CDH13: variants seen among roughly 807,000 people sequenced by gnomAD.
The protein encoded by CDH13 is cadherin-13.
CDH13 carries 24 observed loss-of-function variants against 63.8 expected under a neutral mutation model. The observed-to-expected ratio is 0.38, with a 90% CI of 0.27 to 0.53. The LOEUF (loss-of-function observed/expected upper bound fraction) is 0.53. CDH13 is among the 20% of genes least tolerant of loss of function. The pLI is 0.85. For missense variants in CDH13, 1,049 were observed against 903.1 expected, an observed-to-expected ratio of 1.16 and a Z score of -2.07; for synonymous variants, 503 against 355.3, an observed-to-expected ratio of 1.42 and a Z score of -4.67.
chr16:83,018,529 C>T (rs1263815648), intron 2 of CDH13, among the ~76,000 whole-genome samples: 3 of 152,170 alleles, frequency 2.0e-5, no homozygotes, highest in Non-Finnish European at 4.4e-5. Context: ...TTGAAAGTAC[C>T]CAGTGACAAG....
rs572839787 is a variant in CDH13, at chr16:83,610,651, T to G, written c.1101+8057T>G. 1.3e-3 allele frequency among the ~76,000 whole-genome samples: 204 copies of G among 152,350 alleles called. 2 individuals carry two copies. The highest frequency in any genetic ancestry group is 3.4e-3 in the Middle Eastern group (1 of 294). On this transcript the variant is annotated intron_variant, in intron 8 of 13. Transcript: ENST00000567109. Reference sequence around the variant, plus strand: ...TGAGACTTATCTATGTTGTTGCACATAGCCGTAATCTATTCATGTTCGTTA... The same window carrying G: ...TGAGACTTATCTATGTTGTTGCACAGAGCCGTAATCTATTCATGTTCGTTA...
At chr16:82,719,509 A>T in intron 1 of CDH13, 1 of 451,982 alleles carries the variant, frequency 2.2e-6, no homozygotes, top group Non-Finnish European at 4.5e-6. Flanking sequence ...CAGTGATGGA[A>T]GTGGAGCTGG....
intron 10 of CDH13, among the ~76,000 whole-genome samples, chr16:83,727,438 C>G (rs913948844): frequency 6.6e-6 from 1 of 151,666 alleles, no homozygotes; most frequent in African/African-American, 2.4e-5. Flanking sequence ...AGCAAGCACC[C>G]TTTGCCCCAT....
chr16:82,887,856 G>GT (rs757180018), intron 2 of CDH13, among the ~76,000 whole-genome samples: 68 of 151,336 alleles, frequency 4.5e-4, no homozygotes, highest in East Asian at 7.8e-4. Flanking sequence ...TGTCTCAAGG[G>GT]TTTTTTTTTC....
At chr16:83,015,083 C>A (rs1465988992) in intron 2 of CDH13, among the ~76,000 whole-genome samples, 1 of 151,242 alleles carries the variant, frequency 6.6e-6, no homozygotes, top group African/African-American at 2.4e-5. Context: ...GAAAACCTAC[C>A]TACTGAACTG....
chr16:83,014,431 G>C (rs531401972), intron 2 of CDH13, among the ~76,000 whole-genome samples: 102 of 150,196 alleles, frequency 6.8e-4, no homozygotes, highest in Admixed American at 2.5e-3. Flanking sequence ...ATGTATAAAA[G>C]CCAGGTATAA....
chr16:82,725,516 C>T (rs911499180), intron 1 of CDH13, among the ~76,000 whole-genome samples: 1 of 152,154 alleles, frequency 6.6e-6, no homozygotes, highest in African/African-American at 2.4e-5. Context: ...GTAACTGCCA[C>T]ATTTAGGTGT....
chr16:82,738,925 C>G (rs1478706365), intron 1 of CDH13, among the ~76,000 whole-genome samples: 6 of 152,234 alleles, frequency 3.9e-5, no homozygotes, highest in African/African-American at 1.4e-4. Context: ...TTTGTGTTCC[C>G]TGTGCCTCAC....
chr16:83,612,797 G>C (rs943625181), intron 8 of CDH13, among the ~76,000 whole-genome samples: 1 of 151,984 alleles, frequency 6.6e-6, no homozygotes, highest in Non-Finnish European at 1.5e-5. Context: ...TAGAAAATTT[G>C]AGCTCCTTTT....
At chr16:83,068,872 A>C (rs6565110) in intron 3 of CDH13, among the ~76,000 whole-genome samples, 76,105 of 151,938 alleles carry the variant, frequency 0.5, 19,331 homozygotes, top group South Asian at 0.55. Context: ...CCAATGTCTA[A>C]ATTTTCCAAA....
At chr16:83,153,668 G>A (rs1029844250) in intron 4 of CDH13, among the ~76,000 whole-genome samples, 1 of 152,158 alleles carries the variant, frequency 6.6e-6, no homozygotes, top group Admixed American at 6.6e-5. Context: ...ATTTTGCAAA[G>A]GCGGTTTCAA....
At chr16:83,340,349 T>C (rs2090694934) in intron 5 of CDH13, among the ~76,000 whole-genome samples, 1 of 152,084 alleles carries the variant, frequency 6.6e-6, no homozygotes, top group Non-Finnish European at 1.5e-5. Context: ...TGCGTGCTGC[T>C]CCAGATAGAC....
chr16:82,786,152 G>A (rs1456689366), intron 1 of CDH13, among the ~76,000 whole-genome samples: 1 of 152,354 alleles, frequency 6.6e-6, no homozygotes, highest in Non-Finnish European at 1.5e-5. Context: ...TCAGGGTGGA[G>A]TAGGTAATGG....
At chr16:83,381,362 C>T (rs184931007) in intron 6 of CDH13, among the ~76,000 whole-genome samples, 1 of 152,226 alleles carries the variant, frequency 6.6e-6, no homozygotes, top group East Asian at 1.9e-4. Context: ...TCTGGCTTCT[C>T]CTGCCTGTGC....
At chr16:83,177,806 T>A (rs1422011014) in intron 4 of CDH13, among the ~76,000 whole-genome samples, 4 of 152,228 alleles carry the variant, frequency 2.6e-5, no homozygotes, top group Non-Finnish European at 5.9e-5. Flanking sequence ...CCTTATTGTG[T>A]GCTCTCATGA....
At chr16:83,587,206 C>G (rs1006839976) in intron 7 of CDH13, among the ~76,000 whole-genome samples, 1 of 152,126 alleles carries the variant, frequency 6.6e-6, no homozygotes, top group Non-Finnish European at 1.5e-5. Flanking sequence ...GGAACAGGTT[C>G]GAGGGAACGG....
intron 7 of CDH13, among the ~76,000 whole-genome samples, chr16:83,560,902 C>G (rs1025556726): frequency 5.3e-5 from 8 of 151,864 alleles, no homozygotes; most frequent in African/African-American, 1.7e-4. Context: ...AAGGTTGGCC[C>G]CCCCCCCGCC....
At chr16:83,146,711 C>T (rs1233184257) in intron 4 of CDH13, among the ~76,000 whole-genome samples, 1 of 152,126 alleles carries the variant, frequency 6.6e-6, no homozygotes. Context: ...AATTCAAGCA[C>T]AATTGGAGTT....
At chr16:82,950,250 C>T (rs1031934790) in intron 2 of CDH13, among the ~76,000 whole-genome samples, 25 of 152,156 alleles carry the variant, frequency 1.6e-4, no homozygotes, top group East Asian at 7.7e-4. Context: ...AGCTTATAGC[C>T]GCATCATCCC....
Sources: allele counts gnomAD v4.1 joint callset (sites outside exome capture counted in the v4.1 genomes callset), GRCh38; gene constraint gnomAD v4.1.1; transcripts MANE v1.5; gene names NCBI Gene and HGNC (gene_info 2026-07-23, HGNC 2026-07-21).